SVOPL: variants seen among roughly 807,000 people sequenced by gnomAD.
SVOPL encodes the protein putative transporter SVOPL.
SVOPL carries 60 observed loss-of-function variants against 61.0 expected under a neutral mutation model. The observed-to-expected ratio is 0.98, with a 90% CI of 0.80 to 1.22. SVOPL has a LOEUF of 1.22. SVOPL is among the 50% of genes most tolerant of loss of function. The pLI is 0.00. For missense variants in SVOPL, 662 were observed against 643.9 expected (o/e 1.03, Z -0.30); for synonymous variants, 279 against 250.0 (o/e 1.12, Z -1.09).
At position 138,666,392 on chromosome 7, in the gene SVOPL, GTTTT is replaced by G. The variant is rs552319165; in HGVS notation, c.274-3251_274-3248del. 6.4e-3 allele frequency among the ~76,000 whole-genome samples: 980 copies of G among 152,276 alleles called. 4 individuals are homozygous for G. Among genetic ancestry groups the G allele is most frequent in the Non-Finnish European group, 0.011 (780 of 68,012 alleles). ...TATTACAAGTCTAAGTAAAAACTTTGTTTTATTTCTAAAAGTTTTTCTAAAAGCA... is the reference window on the plus strand; with the variant it reads ...TATTACAAGTCTAAGTAAAAACTTTGATTTCTAAAAGTTTTTCTAAAAGCA... On this transcript the variant is annotated intron_variant, in intron 4 of 15. Coordinates refer to ENST00000674285, the MANE Select transcript of SVOPL (RefSeq NM_001139456.2).
intron 9 of SVOPL, among the ~76,000 whole-genome samples, chr7:138,639,142 C>G (rs1800650211): frequency 6.6e-6 from 1 of 152,122 alleles, no homozygotes; most frequent in African/African-American, 2.4e-5. Context: ...GTAGTCCCAG[C>G]TACTTGGGGG....
In SVOPL at chr7:138,622,110, C is replaced by T. The variant is rs201443139; in HGVS notation, c.1264-975G>A. ...TCTATGTATCTATCTATCTATCTAT[C>T]TATCTATCTATGTATCTATCTATCT... On this transcript the variant is annotated intron_variant, in intron 13 of 15. Coordinates refer to ENST00000674285, the MANE Select transcript of SVOPL (RefSeq NM_001139456.2). 5.5e-3 allele frequency among the ~76,000 whole-genome samples: 201 copies of T among 36,520 alleles called. 1 individual carries two copies. Among genetic ancestry groups the T allele is most frequent in the African/African-American group, 0.014 (189 of 13,742 alleles). 24.0% of individuals were successfully genotyped at this position (36,520 alleles called of 152,430 possible).
At chr7:138,620,157 C>T (rs574916753) in intron 14 of SVOPL, among the ~76,000 whole-genome samples, 1 of 123,404 alleles carries the variant, frequency 8.1e-6, no homozygotes, top group East Asian at 2.5e-4. Context: ...GAGTCTCACT[C>T]TCGCCCAGCC....
chr7:138,690,607 A>G (rs1802918371), intron 1 of SVOPL, among the ~76,000 whole-genome samples: 2 of 152,182 alleles, frequency 1.3e-5, no homozygotes, highest in Non-Finnish European at 2.9e-5. Flanking sequence ...CAGAGACAGA[A>G]ATAGATGAGT....
chr7:138,628,274 G>C lies in SVOPL; in HGVS notation c.953C>G (p.Ser318Cys). 1.9e-6 allele frequency: 3 copies of C among 1,614,178 alleles called. No homozygotes were observed. The highest frequency in any genetic ancestry group is 1.7e-6 in the Non-Finnish European group (2 of 1,180,040). ...RDLVCGSKSD[S>C]AVVVTGGDSG... ...GTCCCCCCCAGTCACCACCACCGCA[G>C]AGTCTGACTTTGAACCACAGACCAA... The change falls in exon 11 of 16, where the codon TCT becomes TGT. Residue 318 changes from serine to cysteine, a missense_variant. Physicochemically the swap from Ser to Cys is moderately radical, Grantham distance 112 (BLOSUM62 -1). Coordinates refer to ENST00000674285, the MANE Select transcript of SVOPL (RefSeq NM_001139456.2).
At chr7:138,644,913 G>A (rs28367131) in intron 8 of SVOPL, 68 bp from the exon 9 acceptor site, 116,782 of 1,594,012 alleles carry the variant, frequency 0.073, 8,109 homozygotes, top group African/African-American at 0.31. Flanking sequence ...AGCTATTATT[G>A]CTCTATACAC....
At chr7:138,596,959 G>A (rs1455944063) in intron 14 of SVOPL, 2 of 1,119,838 alleles carry the variant, frequency 1.8e-6, no homozygotes, top group Non-Finnish European at 2.2e-6. Context: ...ACAGGTGAAA[G>A]TTTTTTTTGG....
At chr7:138,632,241 G>A (rs1800237966) in intron 9 of SVOPL, among the ~76,000 whole-genome samples, 1 of 152,144 alleles carries the variant, frequency 6.6e-6, no homozygotes. Flanking sequence ...AGACCAGCCT[G>A]GCCAACATGG....
At chr7:138,615,647 T>C (rs1300587371) in intron 14 of SVOPL, among the ~76,000 whole-genome samples, 1 of 81,056 alleles carries the variant, frequency 1.2e-5, no homozygotes, top group African/African-American at 3.3e-5. Flanking sequence ...ATACAAAAAT[T>C]AGCTAGGCAT....
At chr7:138,635,123 T>C (rs1469015173) in intron 9 of SVOPL, among the ~76,000 whole-genome samples, 1 of 151,606 alleles carries the variant, frequency 6.6e-6, no homozygotes, top group Non-Finnish European at 1.5e-5. Flanking sequence ...AAACACAAAA[T>C]TAGCTGGGTG....
intron 3 of SVOPL, among the ~76,000 whole-genome samples, chr7:138,676,254 C>CA (rs1467803204): frequency 2.6e-5 from 4 of 152,228 alleles, no homozygotes; most frequent in Non-Finnish European, 5.9e-5. Context: ...ATTCTTCTTT[C>CA]TTCAAAATAG....
intron 13 of SVOPL, among the ~76,000 whole-genome samples, chr7:138,622,134 C>CGACAGAGTCTCACTCTT (rs1799653937): frequency 1.4e-5 from 1 of 72,486 alleles, no homozygotes; most frequent in Non-Finnish European, 3.3e-5. Flanking sequence ...ATCTATCTAT[C>CGACAGAGTCTCACTCTT]TATGTATCTA....
rs183240509 is a variant in SVOPL at position 138,695,931 on chromosome 7, T to G, written c.-35+5247A>C. Among the ~76,000 whole-genome samples, 715 of 151,898 alleles carry G rather than the reference T, an allele frequency of 4.7e-3. 6 individuals are homozygous for G. Among genetic ancestry groups the G allele is most frequent in the African/African-American group, 0.016 (677 of 41,434 alleles). On this transcript the variant is annotated intron_variant, in intron 1 of 15. Coordinates refer to ENST00000674285, the MANE Select transcript of SVOPL (RefSeq NM_001139456.2). ...CCGAGTAGCTGCGACTACAGGTGTG[T>G]GCCACCACGCCTGGGCAATTTTGTA...
intron 14 of SVOPL, among the ~76,000 whole-genome samples, chr7:138,606,727 G>C (rs947173276): frequency 1.3e-5 from 2 of 152,164 alleles, no homozygotes; most frequent in Non-Finnish European, 2.9e-5. Context: ...GCGGAGGCAG[G>C]TGGATCACCT....
intron 8 of SVOPL, among the ~76,000 whole-genome samples, chr7:138,646,900 C>T (rs1337739195): frequency 6.6e-6 from 1 of 152,162 alleles, no homozygotes; most frequent in Non-Finnish European, 1.5e-5. Flanking sequence ...CACTGGTCCC[C>T]GAGCACCTGG....
At chr7:138,640,331 AAGC>A (rs1800721517) in intron 9 of SVOPL, among the ~76,000 whole-genome samples, 1 of 151,942 alleles carries the variant, frequency 6.6e-6, no homozygotes, top group African/African-American at 2.4e-5. Flanking sequence ...TCCCGGGTTC[AAGC>A]ATTTCTACTG....
At chr7:138,639,683 A>G (rs1255055163) in intron 9 of SVOPL, among the ~76,000 whole-genome samples, 1 of 151,980 alleles carries the variant, frequency 6.6e-6, no homozygotes, top group Non-Finnish European at 1.5e-5. Flanking sequence ...GGGGAAAAAA[A>G]TCACCTATAG....
intron 14 of SVOPL, among the ~76,000 whole-genome samples, chr7:138,600,794 C>T (rs1798482769): frequency 6.6e-6 from 1 of 152,040 alleles, no homozygotes; most frequent in East Asian, 1.9e-4. Flanking sequence ...AGATACATCA[C>T]CTCACATGTC....
chr7:138,632,660 G>GA (rs1800265886), intron 9 of SVOPL, among the ~76,000 whole-genome samples: 1 of 151,592 alleles, frequency 6.6e-6, no homozygotes, highest in Non-Finnish European at 1.5e-5. Context: ...CCAGACAGGG[G>GA]AGCCAGGGTG....
Sources: gnomAD v4.1 joint callset for allele counts (sites outside exome capture counted in the v4.1 genomes callset) on GRCh38, gnomAD v4.1.1 for gene constraint, MANE v1.5 for transcripts, NCBI Gene and HGNC (gene_info 2026-07-23, HGNC 2026-07-21) for gene names.